Variants in MKS1 observed in about 807,000 individuals in gnomAD.
MKS1 encodes MKS transition zone complex subunit 1.
MKS1 carries 70 observed loss-of-function variants against 83.7 expected under a neutral mutation model. The observed-to-expected ratio is 0.84, with a 90% CI of 0.69 to 1.02. The LOEUF is 1.02. Ranked by LOEUF, MKS1 falls within the 50% of genes least tolerant of loss-of-function variation. The probability of loss-of-function intolerance (pLI) is 0.00; values close to 1 mark genes in which losing one functional copy is unlikely to be tolerated. For missense variants in MKS1, 681 were observed against 726.9 expected (o/e 0.94, Z 0.73); for synonymous variants, 251 against 273.4 (o/e 0.92, Z 0.81).
intron 8 of MKS1, 99 bp downstream of exon 8, chr17:58,212,883 G>T: frequency 8.2e-7 from 1 of 1,215,376 alleles, no homozygotes. Context: ...TGAAGGGCAA[G>T]GCTTTTCCCG....
Position 58,207,200 on chromosome 17 carries a change from A to G in MKS1, c.1292T>C (p.Val431Ala). The G allele has an allele frequency of 6.2e-7, 1 of 1,614,126 alleles. No individual in the cohort carries two copies. The change falls in exon 15 of 18, where the codon GTC becomes GCC. Residue 431 changes from valine to alanine, a missense_variant. By Grantham distance (64) the Val-to-Ala change is moderately conservative (BLOSUM62 0). This residue lies in a region of MKS1 where 310 missense variants were observed against 321.7 expected (regional missense o/e 0.96). Transcript: ENST00000393119. ...AAGCTCCACAGGTCTCCACGTGGAG[A>G]CTGTCAGGGTGTGTGAGCCTGCGCA... Reference protein sequence around the residue: ...PATPGSHTLTVSTWRPVELGT... With the variant: ...PATPGSHTLTASTWRPVELGT...
In MKS1 at chr17:58,206,156, C is replaced by T; in HGVS notation, c.1603G>A (p.Ala535Thr). The change falls in exon 18 of 18, where the codon GCC (alanine) becomes ACC (threonine). Residue 535 changes from alanine (A) to threonine (T), a missense_variant. Coordinates refer to ENST00000393119, the MANE Select transcript of MKS1 (RefSeq NM_017777.4). ...IHNVLEAFRR[A>T]RRRMQEARES... The stretch of plus-strand genomic sequence containing the variant: ...CGGGCCTCCTGCATGCGGCGCCGGG[C>T]TCGACGGAAGGCCTCTGTAAGGAAA... The T allele has an allele frequency of 6.2e-7, 1 of 1,613,918 alleles. No homozygotes were observed. Among genetic ancestry groups the T allele is most frequent in the South Asian group, 1.1e-5 (1 of 91,068 alleles).
At chr17:58,218,349 G>A (rs1462647155) in intron 2 of MKS1, among the ~76,000 whole-genome samples, 1 of 149,534 alleles carries the variant, frequency 6.7e-6, no homozygotes, top group Non-Finnish European at 1.5e-5. Flanking sequence ...TCGGGAGGCT[G>A]AGGCAGGAGA....
At chr17:58,217,783 G>A (rs1038504631) in intron 2 of MKS1, among the ~76,000 whole-genome samples, 2 of 152,186 alleles carry the variant, frequency 1.3e-5, no homozygotes, top group African/African-American at 4.8e-5. Context: ...TCCAGCCTGA[G>A]CAGAAGAATG....
intron 2 of MKS1, 126 bp downstream of exon 2, chr17:58,218,494 T>G: frequency 6.8e-6 from 3 of 438,912 alleles, no homozygotes; most frequent in Non-Finnish European, 8.6e-6. Flanking sequence ...ACAAATAGAA[T>G]GTAGGTTGCC....
In MKS1 at chr17:58,206,343, G is replaced by C. The variant is rs757310695; in HGVS notation, c.1528C>G (p.Arg510Gly). ...CCTTCCAGACGGTCCAACACACTCC[G>C]CATCCTTTTCTGAAGGGAGCTCGAT... ...MESSSLQKRM[R>G]SVLDRLEGFS... The change falls in exon 17 of 18, where the codon CGG (arginine) becomes GGG (glycine). Residue 510 changes from arginine (R) to glycine (G), a missense_variant. Transcript: ENST00000393119. The C allele has an allele frequency of 2.5e-6, 4 of 1,614,018 alleles. No individual in the cohort carries two copies. The highest frequency in any genetic ancestry group is 2.2e-5 in the South Asian group (2 of 91,064).
chr17:58,218,819 T>C (rs1020282324), intron 1 of MKS1, 90 bp from the exon 2 acceptor site: 4 of 1,221,242 alleles, frequency 3.3e-6, no homozygotes, highest in Non-Finnish European at 3.6e-6. Context: ...ACAGAGGAGG[T>C]AGGGTTGCCA....
intron 7 of MKS1, among the ~76,000 whole-genome samples, chr17:58,213,377 G>A: frequency 6.6e-6 from 1 of 152,180 alleles, no homozygotes; most frequent in Non-Finnish European, 1.5e-5. Flanking sequence ...CTGAAAAATG[G>A]ACAGGTTGGG....
rs776172667 is a variant in MKS1, at chr17:58,213,847, G to A, written c.667C>T (p.His223Tyr). 2 of 1,613,946 alleles carry A rather than the reference G, an allele frequency of 1.2e-6. No homozygotes were observed. Among genetic ancestry groups the A allele is most frequent in the South Asian group, 1.1e-5 (1 of 91,066 alleles). The change falls in exon 7 of 18, where the codon CAT becomes TAT. Residue 223 changes from histidine (H) to tyrosine (Y), a missense_variant. This residue lies in a region of MKS1 where 365 missense variants were observed against 383.8 expected (regional missense o/e 0.95). Transcript: ENST00000393119. ...TCCACCTTCAGAGTACACAGGACAT[G>A]TTCATACTTCTTATAGCCAAGCCTA... ...YKKLGYKKYE[H>Y]VLCTLKVDSN...
At chr17:58,212,353 T>A in intron 9 of MKS1, 25 bp downstream of exon 9, 1 of 1,609,560 alleles carries the variant, frequency 6.2e-7, no homozygotes, top group Non-Finnish European at 8.5e-7. Context: ...CAGCTCACAG[T>A]GCTGCAGGAA....
chr17:58,205,501 T>TA lies in MKS1; in HGVS notation c.*577dup. The TA allele has an allele frequency of 7.9e-7, 1 of 1,273,188 alleles. No individual in the cohort carries two copies. The highest frequency in any genetic ancestry group is 1.0e-6 in the Non-Finnish European group (1 of 977,944). 78.9% of individuals were successfully genotyped at this position (1,273,188 alleles called of 1,614,324 possible). Reference sequence around the variant, plus strand: ...AAAACAAACAAACAAAAAAACACAGTAAAAGATACCACCCAGCTAGCAGAA... The same window carrying TA: ...AAAACAAACAAACAAAAAAACACAGTAAAAAGATACCACCCAGCTAGCAGAA... On this transcript the variant is annotated 3_prime_UTR_variant, in exon 18 of 18. Transcript: ENST00000393119.
chr17:58,210,671 A>G lies in MKS1; in HGVS notation c.1012T>C (p.Leu338=), dbSNP rs1968819648. ...DNLYVHFFVE[L]PTAHWSSPAF... is the part of the protein sequence containing the mutation. ...GAATATTACTTACGAGCAGTTGGCA[A>G]TTCTACAAAGAAGTGGACGTAGAGA... is the stretch of plus-strand genomic sequence containing the variant. Residue 338 remains leucine, a synonymous_variant, in exon 11 of 18, where the codon TTG becomes CTG. Coordinates refer to ENST00000393119, the MANE Select transcript of MKS1 (RefSeq NM_017777.4). 3 of 1,613,914 alleles carry G rather than the reference A, an allele frequency of 1.9e-6. No individual in the cohort carries two copies. Among genetic ancestry groups the G allele is most frequent in the Non-Finnish European group, 2.5e-6 (3 of 1,179,762 alleles).
chr17:58,211,324 CT>C (rs1414021457), intron 9 of MKS1, among the ~76,000 whole-genome samples: 1 of 152,224 alleles, frequency 6.6e-6, no homozygotes, highest in Non-Finnish European at 1.5e-5. Flanking sequence ...GCCCTCTTCC[CT>C]TTAGATGGCT....
chr17:58,215,883 C>A, intron 4 of MKS1: 8 of 622,124 alleles, frequency 1.3e-5, no homozygotes, highest in Non-Finnish European at 2.3e-5. Context: ...CTCTAGCAGG[C>A]AGAGAAGGGA....
intron 7 of MKS1, among the ~76,000 whole-genome samples, chr17:58,213,543 C>T (rs922475547): frequency 1.3e-5 from 2 of 152,256 alleles, no homozygotes; most frequent in African/African-American, 4.8e-5. Context: ...AACTGTACCA[C>T]TGAAGTGATC....
chr17:58,218,176 C>T lies in MKS1; in HGVS notation c.190+444G>A, dbSNP rs551691247. ...AAAAATGCCACAAATAGGACGGGCG[C>T]GGTGGCTCACGCCTGTAATCCCAGC... On this transcript the variant is annotated intron_variant, in intron 2 of 17. Transcript: ENST00000393119. 3.3e-4 allele frequency among the ~76,000 whole-genome samples: 50 copies of T among 152,226 alleles called. 1 individual carries two copies. The highest frequency in any genetic ancestry group is 1.1e-3 in the African/African-American group (45 of 41,528).
chr17:58,211,177 A>G, intron 9 of MKS1, 155 bp from the exon 10 acceptor site: 1 of 687,766 alleles, frequency 1.5e-6, no homozygotes, highest in East Asian at 2.7e-5. Flanking sequence ...ACTTCTCCAC[A>G]GATCTGTTTC....
Position 58,211,152 on chromosome 17 carries a change from T to C in MKS1, c.916-130A>G, listed in dbSNP as rs986812943. 54 of 810,080 alleles carry C rather than the reference T, an allele frequency of 6.7e-5. 1 individual carries two copies. The Admixed American group carries it at 1.0e-3, about 15-fold the overall frequency. 50.2% of individuals were successfully genotyped at this position (810,080 alleles called of 1,614,324 possible). A position where few individuals can be genotyped will look rare whatever the true frequency, so the allele number is the denominator to read the frequency against. On this transcript the variant is annotated intron_variant, in intron 9 of 17. Transcript: ENST00000393119. ...GGCCCTGGGTGTCACTACTGCACTT[T>C]CTCCCCACCCTGACACTTCTCCACA... is the stretch of plus-strand genomic sequence containing the variant.
At chr17:58,214,417 C>T in intron 5 of MKS1, 30 bp from the exon 6 acceptor site, 1 of 1,612,328 alleles carries the variant, frequency 6.2e-7, no homozygotes, top group Non-Finnish European at 8.5e-7. Flanking sequence ...GGTCACTTCC[C>T]TGGCACACCC....
Sources: allele counts gnomAD v4.1 joint callset (sites outside exome capture counted in the v4.1 genomes callset), GRCh38; gene constraint gnomAD v4.1.1; regional missense constraint gnomAD v4.1.1; transcripts MANE v1.5; gene names NCBI Gene and HGNC (gene_info 2026-07-23, HGNC 2026-07-21).